Variants in CYP4F2 observed in about 807,000 individuals in gnomAD.
CYP4F2 encodes the protein cytochrome P450 family 4 subfamily F member 2.
In CYP4F2, 58 loss-of-function variants were observed where a neutral mutation model predicts 58.9. That is an observed-to-expected ratio of 0.98 (90% CI 0.80 to 1.23). The LOEUF (loss-of-function observed/expected upper bound fraction) is 1.23, where lower values mean the gene tolerates loss of function less well. Among genes scored for constraint, CYP4F2 ranks in the 50% most tolerant of loss-of-function variants. The pLI is 0.00. For synonymous variants in CYP4F2, 287 were observed against 261.1 expected (o/e 1.10, Z -0.95); for missense variants, 616 against 685.6 (o/e 0.90, Z 1.13).
At chr19:15,895,679 C>T (rs2089443539) in intron 2 of CYP4F2, 29 bp from the exon 3 acceptor site, 1 of 1,580,400 alleles carries the variant, frequency 6.3e-7, no homozygotes, top group East Asian at 2.4e-5. Flanking sequence ...TCATTACCTT[C>T]TGTGATAGTT....
chr19:15,879,038 T>C (rs968395758), intron 12 of CYP4F2, 102 bp from the exon 13 acceptor site: 47 of 1,521,604 alleles, frequency 3.1e-5, no homozygotes, highest in Middle Eastern at 2.4e-4. Flanking sequence ...CCTAGAGCAG[T>C]TTGAGGAATA....
intron 5 of CYP4F2, among the ~76,000 whole-genome samples, chr19:15,891,219 T>C (rs1046668898): frequency 6.6e-6 from 1 of 152,138 alleles, no homozygotes; most frequent in Non-Finnish European, 1.5e-5. Context: ...AAAAGCAGAT[T>C]CCCTAAGCTT....
intron 9 of CYP4F2, among the ~76,000 whole-genome samples, chr19:15,881,967 G>C (rs180738115): frequency 6.6e-6 from 1 of 152,132 alleles, no homozygotes; most frequent in East Asian, 1.9e-4. Flanking sequence ...AGTGGAGGTC[G>C]GGCGCGGTGG....
At chr19:15,891,351 G>C (rs550285319) in intron 5 of CYP4F2, among the ~76,000 whole-genome samples, 3 of 152,140 alleles carry the variant, frequency 2.0e-5, no homozygotes, top group African/African-American at 7.2e-5. Flanking sequence ...AGAAACACAT[G>C]CTGCTGTCTG....
At chr19:15,897,898 T>G in intron 1 of CYP4F2, 128 bp downstream of exon 1, 1 of 359,570 alleles carries the variant, frequency 2.8e-6, no homozygotes, top group South Asian at 2.9e-5. Context: ...TGCCAGGGGC[T>G]TGGTTTCAGT....
In CYP4F2 at chr19:15,895,539, G is replaced by T. The variant is rs574432005; in HGVS notation, c.310C>A (p.Pro104Thr). ...TTGATGACAGACCGGATGATGTCGGGGTGGCACAAACTGAGGAGGGGGGAG... is the reference window on the plus strand; with the variant it reads ...TTGATGACAGACCGGATGATGTCGGTGTGGCACAAACTGAGGAGGGGGGAG... ...PISPLLSLCH[P>T]DIIRSVINAS... The change falls in exon 3 of 13, where the codon CCC (proline) becomes ACC (threonine). Residue 104 changes from proline (P) to threonine (T), a missense_variant. Transcript: ENST00000221700. 6.5e-7 allele frequency: 1 copy of T among 1,545,932 alleles called. No homozygotes were observed.
Position 15,897,511 on chromosome 19 carries a change from A to G in CYP4F2, c.101T>C (p.Val34Ala). ...ATAGAAGGCGTAGGTCCAGGCCAGG[A>G]CATGGGCCAGGAGCCAGGAGGCCCC... Reference protein sequence around the residue: ...LVGASWLLAHVLAWTYAFYDN... With the variant: ...LVGASWLLAHALAWTYAFYDN... Residue 34 changes from valine (V) to alanine (A), a missense_variant, in exon 2 of 13, where the codon GTC becomes GCC. Coordinates refer to ENST00000221700, the MANE Select transcript of CYP4F2 (RefSeq NM_001082.5). 6.2e-7 allele frequency: 1 copy of G among 1,614,064 alleles called. No homozygotes were observed. The highest frequency in any genetic ancestry group is 8.5e-7 in the Non-Finnish European group (1 of 1,179,992).
chr19:15,883,099 C>T (rs1044033967), intron 9 of CYP4F2, among the ~76,000 whole-genome samples: 1 of 152,136 alleles, frequency 6.6e-6, no homozygotes, highest in Admixed American at 6.5e-5. Flanking sequence ...CTCAAAAGCA[C>T]AGGCAATAGA....
intron 7 of CYP4F2, 24 bp from the exon 8 acceptor site, chr19:15,886,332 C>G (rs145668006): frequency 1.9e-6 from 3 of 1,602,526 alleles, no homozygotes; most frequent in African/African-American, 1.3e-5. Context: ...AGTAACCCCC[C>G]CCAACCCCCA....
chr19:15,892,157 A>G (rs1014433966), intron 5 of CYP4F2, 152 bp downstream of exon 5: 2 of 1,346,458 alleles, frequency 1.5e-6, no homozygotes, highest in Non-Finnish European at 1.0e-6. Context: ...AGTAGGGATT[A>G]TTATCCCCAT....
intron 4 of CYP4F2, 39 bp downstream of exon 4, chr19:15,892,490 C>G: frequency 6.2e-7 from 1 of 1,614,002 alleles, no homozygotes; most frequent in Non-Finnish European, 8.5e-7. Flanking sequence ...CCTGGCCCCC[C>G]AACGTTTTTC....
chr19:15,891,699 C>T (rs1190203625), intron 5 of CYP4F2, among the ~76,000 whole-genome samples: 1 of 152,104 alleles, frequency 6.6e-6, no homozygotes, highest in African/African-American at 2.4e-5. Flanking sequence ...TCCTTGGAAC[C>T]CTGCCTGCAT....
At position 15,886,273 on chromosome 19, in the gene CYP4F2, T is replaced by C. The variant is rs753268747; in HGVS notation, c.954A>G (p.Ile318Met). 3.7e-6 allele frequency: 6 copies of C among 1,614,070 alleles called. No individual in the cohort carries two copies. The South Asian group carries it at 6.6e-5, about 18-fold the overall frequency. ...ACATAAAGGTGTCAGCTTCTGCTCTTATGTCCTCATCAGATAACTTCTTCC... is the reference window on the plus strand; with the variant it reads ...ACATAAAGGTGTCAGCTTCTGCTCTCATGTCCTCATCAGATAACTTCTTCC... ...EDGKKLSDED[I>M]RAEADTFMFE... Residue 318 changes from isoleucine (I) to methionine (M), a missense_variant, in exon 8 of 13, where the codon ATA (isoleucine) becomes ATG (methionine). Ile to Met is a conservative substitution (Grantham distance 10). Coordinates refer to ENST00000221700, the MANE Select transcript of CYP4F2 (RefSeq NM_001082.5).
intron 2 of CYP4F2, among the ~76,000 whole-genome samples, chr19:15,896,171 G>C (rs1448411063): frequency 6.7e-6 from 1 of 150,108 alleles, no homozygotes; most frequent in African/African-American, 2.5e-5. Context: ...CTACGTGCCT[G>C]TCCATCCATC....
chr19:15,879,910 C>T lies in CYP4F2; in HGVS notation c.1116-13G>A. Reference sequence around the variant, plus strand: ...GGCCAGGTCGTCCCTAAGGAAACACCCCAGCCCCAATCCTTATCAAGGGAG... The same window carrying T: ...GGCCAGGTCGTCCCTAAGGAAACACTCCAGCCCCAATCCTTATCAAGGGAG... On this transcript the variant is annotated splice_polypyrimidine_tract_variant and intron_variant, in intron 9 of 12. Transcript: ENST00000221700. 1 of 1,613,998 alleles carries T rather than the reference C, an allele frequency of 6.2e-7. No individual in the cohort carries two copies. Among genetic ancestry groups the T allele is most frequent in the East Asian group, 2.2e-5 (1 of 44,858 alleles).
chr19:15,880,983 T>G (rs992155322), intron 9 of CYP4F2, among the ~76,000 whole-genome samples: 1 of 152,234 alleles, frequency 6.6e-6, no homozygotes, highest in Non-Finnish European at 1.5e-5. Flanking sequence ...GCAGAGATGC[T>G]TATACATGCA....
intron 2 of CYP4F2, among the ~76,000 whole-genome samples, chr19:15,895,851 A>G (rs2089444312): frequency 6.6e-6 from 1 of 152,032 alleles, no homozygotes; most frequent in African/African-American, 2.4e-5. Flanking sequence ...CTGTGCTTTC[A>G]TCCATCCATA....
Position 15,883,861 on chromosome 19 carries a change from C to T in CYP4F2, c.1115+2063G>A, listed in dbSNP as rs3093185. 9.2e-3 allele frequency among the ~76,000 whole-genome samples: 1,396 copies of T among 152,200 alleles called. 21 individuals are homozygous for T. Among genetic ancestry groups the T allele is most frequent in the African/African-American group, 0.031 (1,281 of 41,516 alleles). ...AGATCATGAGGTCAGGAGTTCGAGA[C>T]CAGCCTGGCCAATATGGTGAAACCC... is the stretch of plus-strand genomic sequence containing the variant. On this transcript the variant is annotated intron_variant, in intron 9 of 12. Coordinates refer to ENST00000221700, the MANE Select transcript of CYP4F2 (RefSeq NM_001082.5).
rs1332624592 is a variant in CYP4F2, at chr19:15,886,047, T to C, written c.992A>G (p.Asp331Gly). The change falls in exon 9 of 13, where the codon GAC becomes GGC. Residue 331 changes from aspartate (D) to glycine (G), a missense_variant. Physicochemically the swap from Asp to Gly is moderately conservative, Grantham distance 94 (BLOSUM62 -1). Transcript: ENST00000221700. ...CCAGGAGAGACCACTGGCCGTGGTG[T>C]CATGGCCTGGGGGGCAGCAAGGCAG... Reference protein sequence around the residue: ...EADTFMFEGHDTTASGLSWVL... With the variant: ...EADTFMFEGHGTTASGLSWVL... 2.5e-6 allele frequency: 4 copies of C among 1,613,332 alleles called. No individual in the cohort carries two copies. The African/African-American group carries it at 4.0e-5, about 16-fold the overall frequency.
Sources: gnomAD v4.1 joint callset for allele counts (sites outside exome capture counted in the v4.1 genomes callset) on GRCh38, gnomAD v4.1.1 for gene constraint, MANE v1.5 for transcripts, NCBI Gene and HGNC (gene_info 2026-07-23, HGNC 2026-07-21) for gene names.